Variants in ADGRL3 observed in about 807,000 individuals in gnomAD.
ADGRL3 encodes the protein adhesion G protein-coupled receptor L3, also known as calcium-independent alpha-latrotoxin receptor 3.
In ADGRL3, 62 loss-of-function variants were observed where a neutral mutation model predicts 153.5. The ratio of observed to expected loss-of-function variants is 0.40; its 90% CI spans 0.33 to 0.50. ADGRL3 has a LOEUF of 0.50. Among genes scored for constraint, ADGRL3 ranks in the 20% least tolerant of loss-of-function variants. The pLI, the probability that ADGRL3 is intolerant of heterozygous loss-of-function variation, is 0.47. For synonymous variants in ADGRL3, 710 were observed against 672.5 expected, an observed-to-expected ratio of 1.06 and a Z score of -0.86; for missense variants, 1,641 against 1,859.4, an observed-to-expected ratio of 0.88 and a Z score of 2.16.
chr4:61,273,576 AAAG>A (rs146811854), intron 1 of ADGRL3, among the ~76,000 whole-genome samples: 2,573 of 152,310 alleles, frequency 0.017, 67 homozygotes, highest in African/African-American at 0.058. Flanking sequence ...GAAAAAGAAA[AAAG>A]AAGAAGTAGC....
Position 61,432,573 on chromosome 4 carries a change from C to CTTTCTTTCTTTCT in ADGRL3, c.-174+49384_-174+49385insTTTCTTTCTTTCT, listed in dbSNP as rs1560622534. On this transcript the variant is annotated intron_variant, in intron 2 of 26. Coordinates refer to ENST00000683033, the MANE Select transcript of ADGRL3 (RefSeq NM_001387552.1). ...TTTATAGATTTCTTTTCTTTCTCTT[C>CTTTCTTTCTTTCT]CTTTCTTTCTTTCTTTCTTTCTTTC... Among the ~76,000 whole-genome samples, 91 of 35,874 alleles carry CTTTCTTTCTTTCT rather than the reference C, an allele frequency of 2.5e-3. 4 individuals carry two copies. Among genetic ancestry groups the CTTTCTTTCTTTCT allele is most frequent in the South Asian group, 0.013 (12 of 948 alleles). 23.5% of individuals were successfully genotyped at this position (35,874 alleles called of 152,430 possible). A position where few individuals can be genotyped will look rare whatever the true frequency, so the allele number is the denominator to read the frequency against.
chr4:61,406,647 A>G (rs2097001985), intron 2 of ADGRL3, among the ~76,000 whole-genome samples: 1 of 151,934 alleles, frequency 6.6e-6, no homozygotes, highest in Non-Finnish European at 1.5e-5. Flanking sequence ...TAGGATATAT[A>G]TGTGGTTAAT....
At chr4:61,760,797 T>C (rs1330796096) in intron 8 of ADGRL3, among the ~76,000 whole-genome samples, 1 of 152,158 alleles carries the variant, frequency 6.6e-6, no homozygotes, top group Non-Finnish European at 1.5e-5. Flanking sequence ...CCATCTTGGC[T>C]CCACCCTCCA....
At chr4:61,284,047 A>G (rs185022395) in intron 1 of ADGRL3, among the ~76,000 whole-genome samples, 17 of 152,086 alleles carry the variant, frequency 1.1e-4, no homozygotes, top group African/African-American at 4.1e-4. Context: ...ATGGATCCCA[A>G]TGCACTTTGG....
chr4:61,629,111 T>C (rs1312159927), intron 5 of ADGRL3, among the ~76,000 whole-genome samples: 3 of 152,138 alleles, frequency 2.0e-5, no homozygotes, highest in Non-Finnish European at 4.4e-5. Context: ...GTGAAATTTG[T>C]CATATACAGA....
At chr4:61,568,755 G>A (rs917909483) in intron 4 of ADGRL3, among the ~76,000 whole-genome samples, 2 of 151,838 alleles carry the variant, frequency 1.3e-5, no homozygotes, top group Non-Finnish European at 2.9e-5. Flanking sequence ...TCCCTTTTCT[G>A]CCATTTGCTT....
rs1358135361 is a variant in ADGRL3 at position 61,747,829 on chromosome 4, C to T, written c.1399+14275C>T. Among the ~76,000 whole-genome samples, 4 of 151,792 alleles carry T rather than the reference C, an allele frequency of 2.6e-5. No homozygotes were observed. In the South Asian group the frequency reaches 6.3e-4, roughly 24 times the overall value. On this transcript the variant is annotated intron_variant, in intron 8 of 26. Coordinates refer to ENST00000683033, the MANE Select transcript of ADGRL3 (RefSeq NM_001387552.1). ...GGGATGCCCTCTCTCACCACTCCTA[C>T]TCAACATAGTGTTGGAAGTTCTGGT...
At chr4:61,392,718 A>G (rs1283370476) in intron 2 of ADGRL3, among the ~76,000 whole-genome samples, 1 of 143,686 alleles carries the variant, frequency 7.0e-6, no homozygotes, top group Non-Finnish European at 1.5e-5. Context: ...AAAAAGGAAA[A>G]TAAAGAAAGA....
chr4:61,808,337 A>G (rs1281447489), intron 8 of ADGRL3, among the ~76,000 whole-genome samples: 2 of 152,056 alleles, frequency 1.3e-5, no homozygotes, highest in East Asian at 3.9e-4. Flanking sequence ...AAATTACTCC[A>G]TGTTTTCTGT....
At chr4:61,660,894 C>T (rs1395353037) in intron 5 of ADGRL3, among the ~76,000 whole-genome samples, 1 of 151,864 alleles carries the variant, frequency 6.6e-6, no homozygotes, top group Non-Finnish European at 1.5e-5. Flanking sequence ...TTAATTAGAC[C>T]AATTGTCTTT....
intron 12 of ADGRL3, among the ~76,000 whole-genome samples, chr4:61,912,448 A>G (rs182659585): frequency 1.0e-3 from 153 of 152,302 alleles, no homozygotes; most frequent in Admixed American, 1.8e-3. Flanking sequence ...ACTAATTTCT[A>G]CGAAATGTAT....
chr4:61,984,846 T>C (rs2099080065), intron 19 of ADGRL3, among the ~76,000 whole-genome samples: 1 of 152,098 alleles, frequency 6.6e-6, no homozygotes. Context: ...CATAAGTTAG[T>C]AGTAAGAGCG....
intron 5 of ADGRL3, among the ~76,000 whole-genome samples, chr4:61,642,082 C>G (rs1194217003): frequency 6.7e-6 from 1 of 148,960 alleles, no homozygotes; most frequent in Non-Finnish European, 1.5e-5. Flanking sequence ...GCATAAATGT[C>G]TTCTTTTGAG....
In ADGRL3 at chr4:61,863,231, C is replaced by CTTTTTT. The variant is rs1189171329; in HGVS notation, c.1481-29406_1481-29401dup. 2.8e-3 allele frequency among the ~76,000 whole-genome samples: 224 copies of CTTTTTT among 80,886 alleles called. 3 individuals are homozygous for CTTTTTT. Among genetic ancestry groups the CTTTTTT allele is most frequent in the African/African-American group, 3.8e-3 (75 of 19,836 alleles). 53.1% of individuals were successfully genotyped at this position (80,886 alleles called of 152,430 possible). ...GTGTACATCATGTCTGGGCATCATT[C>CTTTTTT]TTTTTTTTTTTTTTTTTTTTTTTTG... On this transcript the variant is annotated intron_variant, in intron 9 of 26. Transcript: ENST00000683033.
At chr4:61,878,454 A>G (rs2098489233) in intron 9 of ADGRL3, among the ~76,000 whole-genome samples, 1 of 152,312 alleles carries the variant, frequency 6.6e-6, no homozygotes, top group Admixed American at 6.5e-5. Flanking sequence ...ATTGTCATTG[A>G]GGGAAGCTGG....
At chr4:61,366,308 T>A (rs552126368) in intron 1 of ADGRL3, among the ~76,000 whole-genome samples, 1 of 152,330 alleles carries the variant, frequency 6.6e-6, no homozygotes, top group East Asian at 1.9e-4. Context: ...ATCAGCTGCA[T>A]AAACATCAAT....
At chr4:61,353,783 C>T (rs562023835) in intron 1 of ADGRL3, among the ~76,000 whole-genome samples, 45 of 140,920 alleles carry the variant, frequency 3.2e-4, no homozygotes, top group Non-Finnish European at 5.2e-4. Context: ...CTACTCACCC[C>T]GAAATAGATG....
chr4:61,529,424 A>G (rs2098598359), intron 4 of ADGRL3, among the ~76,000 whole-genome samples: 2 of 152,178 alleles, frequency 1.3e-5, no homozygotes, highest in Non-Finnish European at 2.9e-5. Context: ...AGAGAGACTC[A>G]GTTTACACCT....
intron 1 of ADGRL3, among the ~76,000 whole-genome samples, chr4:61,246,594 T>C (rs1757180727): frequency 6.6e-6 from 1 of 151,990 alleles, no homozygotes; most frequent in South Asian, 2.1e-4. Context: ...ATGTAAATTT[T>C]ATGTTTTATT....
Sources: allele counts gnomAD v4.1 joint callset (sites outside exome capture counted in the v4.1 genomes callset), GRCh38; gene constraint gnomAD v4.1.1; transcripts MANE v1.5; gene names NCBI Gene and HGNC (gene_info 2026-07-23, HGNC 2026-07-21).